Variants in THSD7A observed in about 807,000 individuals in gnomAD.
THSD7A encodes the protein thrombospondin type 1 domain containing 7A.
In THSD7A, 96 loss-of-function variants were observed where a neutral mutation model predicts 231.3. The ratio of observed to expected loss-of-function variants is 0.41; its 90% CI spans 0.35 to 0.49. The LOEUF is 0.49. Ranked by LOEUF, THSD7A falls within the 20% of genes least tolerant of loss-of-function variation. THSD7A has a pLI of 0.05. For missense variants in THSD7A, 2,290 were observed against 2,070.2 expected (o/e 1.11, Z -2.06); for synonymous variants, 940 against 743.3 (o/e 1.26, Z -4.30).
intron 8 of THSD7A, among the ~76,000 whole-genome samples, chr7:11,473,663 T>C (rs1028716344): frequency 2.6e-5 from 4 of 152,184 alleles, no homozygotes; most frequent in Admixed American, 2.6e-4. Context: ...TTGTTTATAC[T>C]TCTCACAAGG....
intron 6 of THSD7A, among the ~76,000 whole-genome samples, chr7:11,516,011 T>C (rs1256506303): frequency 6.6e-6 from 1 of 152,194 alleles, no homozygotes; most frequent in Admixed American, 6.5e-5. Context: ...GTTTAAACTA[T>C]ATAAATATGA....
Position 11,719,370 on chromosome 7 carries a change from T to A in THSD7A, c.191-82409A>T, listed in dbSNP as rs1193628530. ...CTTCATTGTTCTGATAGATTTTCTA[T>A]ATTGTCTGTAGGTCATTACTTTTCT... On this transcript the variant is annotated intron_variant, in intron 1 of 27. Transcript: ENST00000423059. Among the ~76,000 whole-genome samples the A allele has an allele frequency of 2.6e-5, 4 of 151,756 alleles. No homozygotes were observed. In the East Asian group the frequency reaches 7.8e-4, roughly 30 times the overall value.
intron 1 of THSD7A, among the ~76,000 whole-genome samples, chr7:11,760,771 T>G (rs2128168059): frequency 6.6e-6 from 1 of 152,056 alleles, no homozygotes; most frequent in South Asian, 2.1e-4. Flanking sequence ...AAATAATTAC[T>G]TTTAACTGAA....
At chr7:11,644,853 C>A (rs1018241314) in intron 1 of THSD7A, among the ~76,000 whole-genome samples, 1 of 151,826 alleles carries the variant, frequency 6.6e-6, no homozygotes, top group East Asian at 1.9e-4. Flanking sequence ...AAGCTAAGTA[C>A]CAATAGTATG....
intron 1 of THSD7A, among the ~76,000 whole-genome samples, chr7:11,760,221 G>A (rs1443146222): frequency 1.3e-5 from 2 of 152,076 alleles, no homozygotes; most frequent in African/African-American, 4.8e-5. Context: ...TTAATGGAAT[G>A]ATATTTGGGA....
At chr7:11,493,686 A>C (rs532257409) in intron 6 of THSD7A, among the ~76,000 whole-genome samples, 5 of 152,190 alleles carry the variant, frequency 3.3e-5, no homozygotes, top group African/African-American at 1.2e-4. Flanking sequence ...GTACCATTTT[A>C]ATTTGTTTCA....
chr7:11,692,990 G>GT lies in THSD7A; in HGVS notation c.191-56030dup, dbSNP rs1309796368. On this transcript the variant is annotated intron_variant, in intron 1 of 27. Coordinates refer to ENST00000423059, the MANE Select transcript of THSD7A (RefSeq NM_015204.3). ...ACTAAAGGGTATCTCATGCTATAAGGTTTTTTTGTTTGTTTGTTTGTTTTA... is the reference window on the plus strand; with the variant it reads ...ACTAAAGGGTATCTCATGCTATAAGGTTTTTTTTGTTTGTTTGTTTGTTTTA... 3.3e-5 allele frequency among the ~76,000 whole-genome samples: 5 copies of GT among 151,344 alleles called. No homozygotes were observed. The South Asian group carries it at 6.2e-4, about 19-fold the overall frequency.
intron 1 of THSD7A, among the ~76,000 whole-genome samples, chr7:11,703,233 T>A (rs1220836631): frequency 6.6e-6 from 1 of 151,052 alleles, no homozygotes; most frequent in Non-Finnish European, 1.5e-5. Context: ...CTAGAAAATA[T>A]TTTTTTTCCC....
intron 16 of THSD7A, among the ~76,000 whole-genome samples, chr7:11,419,778 G>A (rs1458552038): frequency 6.6e-6 from 1 of 152,194 alleles, no homozygotes; most frequent in East Asian, 1.9e-4. Context: ...TAGAAATATG[G>A]ATGGTGAAAT....
chr7:11,418,009 A>G (rs1562594237), intron 16 of THSD7A, among the ~76,000 whole-genome samples: 1 of 152,204 alleles, frequency 6.6e-6, no homozygotes, highest in Non-Finnish European at 1.5e-5. Context: ...TAATGCATTT[A>G]TTCTTCTCAA....
chr7:11,381,243 G>A (rs948133075), intron 24 of THSD7A, among the ~76,000 whole-genome samples: 8 of 152,068 alleles, frequency 5.3e-5, no homozygotes, highest in Non-Finnish European at 1.2e-4. Flanking sequence ...AAATAATACA[G>A]TGAGAGAGCA....
chr7:11,434,866 T>C (rs1424512750), intron 13 of THSD7A, among the ~76,000 whole-genome samples: 4 of 152,022 alleles, frequency 2.6e-5, no homozygotes, highest in African/African-American at 9.7e-5. Flanking sequence ...CAAATTACTA[T>C]GTATATATAT....
intron 16 of THSD7A, among the ~76,000 whole-genome samples, chr7:11,422,674 G>C (rs1320905684): frequency 6.6e-6 from 1 of 151,138 alleles, no homozygotes; most frequent in Non-Finnish European, 1.5e-5. Context: ...AGTGGTTTGA[G>C]ATGGAGTCTC....
chr7:11,532,965 T>A (rs1452256278), intron 6 of THSD7A, among the ~76,000 whole-genome samples: 1 of 152,190 alleles, frequency 6.6e-6, no homozygotes, highest in Admixed American at 6.5e-5. Context: ...AAGACTTACG[T>A]GATTCACAGA....
At chr7:11,610,901 G>T (rs1780899811) in intron 2 of THSD7A, among the ~76,000 whole-genome samples, 2 of 152,084 alleles carry the variant, frequency 1.3e-5, no homozygotes, top group Admixed American at 1.3e-4. Flanking sequence ...TTCACAAACT[G>T]AAAGCTATTT....
At chr7:11,705,767 A>C (rs1780745967) in intron 1 of THSD7A, among the ~76,000 whole-genome samples, 1 of 150,978 alleles carries the variant, frequency 6.6e-6, no homozygotes, top group South Asian at 2.1e-4. Flanking sequence ...TTGGTAAATT[A>C]GCTCATAGGT....
chr7:11,826,241 A>G (rs575477612), intron 1 of THSD7A, among the ~76,000 whole-genome samples: 6 of 152,206 alleles, frequency 3.9e-5, no homozygotes, highest in Admixed American at 2.0e-4. Flanking sequence ...GAGAAAATGC[A>G]TACCTGTAAA....
At chr7:11,742,874 G>A (rs1374083812) in intron 1 of THSD7A, among the ~76,000 whole-genome samples, 1 of 151,808 alleles carries the variant, frequency 6.6e-6, no homozygotes, top group Non-Finnish European at 1.5e-5. Context: ...GTCTTTTGTG[G>A]CATTATGGTT....
intron 2 of THSD7A, among the ~76,000 whole-genome samples, chr7:11,631,656 G>C (rs987175321): frequency 1.3e-5 from 2 of 149,766 alleles, no homozygotes; most frequent in African/African-American, 2.5e-5. Flanking sequence ...GGTTACAGCA[G>C]AAAAAAAAAC....
Sources: gnomAD v4.1 joint callset for allele counts (sites outside exome capture counted in the v4.1 genomes callset) on GRCh38, gnomAD v4.1.1 for gene constraint, MANE v1.5 for transcripts, NCBI Gene and HGNC (gene_info 2026-07-23, HGNC 2026-07-21) for gene names.